Variants in TMTC2 observed in about 807,000 individuals in gnomAD.
The protein encoded by TMTC2 is protein O-mannosyl-transferase TMTC2.
Under a neutral mutation model 82.4 loss-of-function variants are expected in TMTC2, and 43 were observed. The ratio of observed to expected loss-of-function variants is 0.52; its 90% CI spans 0.41 to 0.67. The LOEUF is 0.67. TMTC2 is among the 30% of genes least tolerant of loss of function. The pLI, the probability that TMTC2 is intolerant of heterozygous loss-of-function variation, is 0.00. For missense variants in TMTC2, 919 were observed against 1,012.4 expected (o/e 0.91, Z 1.25); for synonymous variants, 408 against 381.9 (o/e 1.07, Z -0.80).
Position 82,780,843 on chromosome 12 carries a change from G to T in TMTC2, c.84-76167G>T, listed in dbSNP as rs575965541. ...TTAATTTGGCTTAATGAGCTTTCTG[G>T]TTGCAAATATTTTTTGTTTTCTAGT... On this transcript the variant is annotated intron_variant, in intron 1 of 11. Coordinates refer to ENST00000321196, the MANE Select transcript of TMTC2 (RefSeq NM_152588.3). 2.0e-4 allele frequency among the ~76,000 whole-genome samples: 30 copies of T among 151,462 alleles called. No homozygotes were observed. In the South Asian group the frequency reaches 4.4e-3, roughly 22 times the overall value.
chr12:83,083,685 T>C (rs1462455858), intron 11 of TMTC2, among the ~76,000 whole-genome samples: 1 of 152,118 alleles, frequency 6.6e-6, no homozygotes, highest in East Asian at 1.9e-4. Flanking sequence ...TTTCGTAGGG[T>C]GGACATCTTG....
At chr12:82,779,332 A>G (rs1414593801) in intron 1 of TMTC2, among the ~76,000 whole-genome samples, 1 of 152,120 alleles carries the variant, frequency 6.6e-6, no homozygotes, top group Non-Finnish European at 1.5e-5. Flanking sequence ...GTCAGGATAT[A>G]TTAAATAAAT....
At chr12:82,865,979 G>T (rs1871828834) in intron 2 of TMTC2, among the ~76,000 whole-genome samples, 1 of 151,996 alleles carries the variant, frequency 6.6e-6, no homozygotes, top group Non-Finnish European at 1.5e-5. Context: ...CAAAGACACA[G>T]CATACCAGAA....
chr12:83,028,745 A>G (rs10862568), intron 8 of TMTC2, among the ~76,000 whole-genome samples: 90,032 of 151,990 alleles, frequency 0.59, 27,208 homozygotes, highest in South Asian at 0.73. Context: ...TAATTCATAC[A>G]TTAGGCTGCC....
intron 1 of TMTC2, among the ~76,000 whole-genome samples, chr12:82,831,578 TG>T (rs1419970464): frequency 6.6e-6 from 1 of 152,240 alleles, no homozygotes; most frequent in South Asian, 2.1e-4. Context: ...TTTCTTCTTG[TG>T]GGTGATCTTC....
At chr12:82,860,214 C>T (rs1167574735) in intron 2 of TMTC2, among the ~76,000 whole-genome samples, 1 of 151,992 alleles carries the variant, frequency 6.6e-6, no homozygotes. Context: ...CCTTGTGATC[C>T]GCCCGCCTCA....
chr12:83,015,517 C>T (rs977559929), intron 8 of TMTC2, among the ~76,000 whole-genome samples: 6 of 152,136 alleles, frequency 3.9e-5, no homozygotes, highest in South Asian at 2.1e-4. Context: ...TCACATCACA[C>T]ATTTTTTCCT....
At chr12:83,112,867 A>G (rs1031003727) in intron 11 of TMTC2, among the ~76,000 whole-genome samples, 7 of 152,234 alleles carry the variant, frequency 4.6e-5, no homozygotes, top group Non-Finnish European at 7.3e-5. Flanking sequence ...TTGAGTAGGT[A>G]AAAACATCAT....
At chr12:82,755,008 T>C (rs146256817) in intron 1 of TMTC2, among the ~76,000 whole-genome samples, 3 of 152,362 alleles carry the variant, frequency 2.0e-5, no homozygotes, top group Non-Finnish European at 4.4e-5. Context: ...CTTTCACCAA[T>C]CAAAGCTTCC....
chr12:82,971,962 T>C (rs547907827), intron 7 of TMTC2, among the ~76,000 whole-genome samples: 1 of 152,148 alleles, frequency 6.6e-6, no homozygotes, highest in Non-Finnish European at 1.5e-5. Flanking sequence ...TCTGTAATAA[T>C]TAAATGCCTA....
chr12:83,042,258 G>A (rs4882433), intron 9 of TMTC2, among the ~76,000 whole-genome samples: 122,254 of 152,110 alleles, frequency 0.8, 49,264 homozygotes, highest in East Asian at 0.9. Context: ...TCTCAGAGGA[G>A]CGGGCTCCTT....
At chr12:83,035,970 A>G (rs1463877693) in intron 9 of TMTC2, among the ~76,000 whole-genome samples, 1 of 152,184 alleles carries the variant, frequency 6.6e-6, no homozygotes, top group Non-Finnish European at 1.5e-5. Context: ...TTGAGGACTG[A>G]TGTGTGAAAA....
In TMTC2 at chr12:83,063,197, G is replaced by GT. The variant is rs1231235436; in HGVS notation, c.2331+1367dup. 1.9e-4 allele frequency among the ~76,000 whole-genome samples: 29 copies of GT among 151,722 alleles called. 1 individual carries two copies. In the East Asian group the frequency reaches 3.5e-3, roughly 18 times the overall value. ...GTTTGTTCTTCTTCTCTTTTTCCCT[G>GT]TGTATTCAGAGATAAAGTGTTAATG... On this transcript the variant is annotated intron_variant, in intron 11 of 11. Transcript: ENST00000321196.
chr12:82,969,528 TA>T (rs1266309880), intron 7 of TMTC2, among the ~76,000 whole-genome samples: 1 of 152,186 alleles, frequency 6.6e-6, no homozygotes, highest in Non-Finnish European at 1.5e-5. Context: ...TTGCTTTTGT[TA>T]AAAAACACTC....
intron 1 of TMTC2, among the ~76,000 whole-genome samples, chr12:82,747,245 CA>C (rs1055547665): frequency 8.5e-5 from 13 of 152,066 alleles, no homozygotes; most frequent in African/African-American, 3.1e-4. Flanking sequence ...TTTTCAGGAC[CA>C]AAAAGAAAAG....
At chr12:82,745,858 C>T (rs1440363446) in intron 1 of TMTC2, among the ~76,000 whole-genome samples, 1 of 152,130 alleles carries the variant, frequency 6.6e-6, no homozygotes, top group Non-Finnish European at 1.5e-5. Context: ...TTCTAACACC[C>T]CTCCCCTTTT....
At chr12:82,957,246 G>C (rs1249824257) in intron 4 of TMTC2, among the ~76,000 whole-genome samples, 2 of 152,082 alleles carry the variant, frequency 1.3e-5, no homozygotes, top group African/African-American at 4.8e-5. Context: ...CAAAACCACA[G>C]TATTACATGG....
chr12:83,059,149 G>C (rs9668579), intron 10 of TMTC2, among the ~76,000 whole-genome samples: 68,126 of 151,040 alleles, frequency 0.45, 15,945 homozygotes, highest in African/African-American at 0.6. Flanking sequence ...CCCTAACAAC[G>C]TTATGGTTGA....
intron 1 of TMTC2, among the ~76,000 whole-genome samples, chr12:82,812,341 G>A (rs1868445211): frequency 6.6e-6 from 1 of 151,708 alleles, no homozygotes; most frequent in Non-Finnish European, 1.5e-5. Flanking sequence ...TAAGTTCCTT[G>A]GGAATTAAAA....
Sources: gnomAD v4.1 joint callset for allele counts (sites outside exome capture counted in the v4.1 genomes callset) on GRCh38, gnomAD v4.1.1 for gene constraint, MANE v1.5 for transcripts, NCBI Gene and HGNC (gene_info 2026-07-23, HGNC 2026-07-21) for gene names.